The following MINDY3 variants were observed in gnomAD, a reference collection of about 807,000 sequenced individuals.
The protein encoded by MINDY3 is ubiquitin carboxyl-terminal hydrolase MINDY-3.
A neutral mutation model predicts 69.2 loss-of-function variants in MINDY3; 38 were observed. The observed-to-expected ratio is 0.55, with a 90% confidence interval of 0.42 to 0.72. The LOEUF is 0.72. MINDY3 is among the 30% of genes least tolerant of loss of function. The pLI, the probability that MINDY3 is intolerant of heterozygous loss-of-function variation, is 0.00. For missense variants in MINDY3, 522 were observed against 519.0 expected (o/e 1.01, Z -0.06); for synonymous variants, 192 against 180.1 (o/e 1.07, Z -0.53).
chr10:15,814,484 T>C (rs1839220556), intron 10 of MINDY3, among the ~76,000 whole-genome samples: 1 of 151,074 alleles, frequency 6.6e-6, no homozygotes, highest in Admixed American at 6.6e-5. Context: ...TGTGCCAGAC[T>C]ATATACTAGA....
chr10:15,810,752 C>CTTA (rs1468866642), intron 10 of MINDY3, among the ~76,000 whole-genome samples: 1 of 152,050 alleles, frequency 6.6e-6, no homozygotes, highest in African/African-American at 2.4e-5. Context: ...CATCACAGAG[C>CTTA]TTACTACAGA....
At chr10:15,837,532 G>C (rs1443130320) in intron 5 of MINDY3, 2 of 1,441,308 alleles carry the variant, frequency 1.4e-6, no homozygotes, top group Non-Finnish European at 1.9e-6. Flanking sequence ...CATTAAGAAA[G>C]AACACCTACT....
At chr10:15,842,228 T>A (rs1833519302) in intron 3 of MINDY3, among the ~76,000 whole-genome samples, 1 of 151,854 alleles carries the variant, frequency 6.6e-6, no homozygotes, top group South Asian at 2.1e-4. Context: ...AGAAGTAGTA[T>A]TACTTTCTGA....
chr10:15,841,530 G>C lies in MINDY3; in HGVS notation c.305C>G (p.Ser102Cys). The C allele has an allele frequency of 1.2e-6, 2 of 1,611,542 alleles. No homozygotes were observed. Among genetic ancestry groups the C allele is most frequent in the Non-Finnish European group, 1.7e-6 (2 of 1,178,290 alleles). Reference sequence around the variant, plus strand: ...CCATGAAACCAAGCAGTATGATCCAGAGTGGTCACAACAAGCACTTTCTAA... The same window carrying C: ...CCATGAAACCAAGCAGTATGATCCACAGTGGTCACAACAAGCACTTTCTAA... ...DILESACCDH[S>C]GSYCLVSWLR... Residue 102 changes from serine to cysteine, a missense_variant, in exon 4 of 15, where the codon TCT (serine) becomes TGT (cysteine). Coordinates refer to ENST00000277632, the MANE Select transcript of MINDY3 (RefSeq NM_024948.4).
intron 1 of MINDY3, 73 bp from the exon 2 acceptor site, chr10:15,848,016 T>C (rs1833974045): frequency 8.0e-7 from 1 of 1,254,736 alleles, no homozygotes; most frequent in South Asian, 1.2e-5. Flanking sequence ...TTCATGTACT[T>C]TGCTTTGAGA....
intron 14 of MINDY3, among the ~76,000 whole-genome samples, chr10:15,779,670 G>T (rs761181974): frequency 6.6e-6 from 1 of 152,008 alleles, no homozygotes; most frequent in Non-Finnish European, 1.5e-5. Flanking sequence ...TGCTATTATG[G>T]TATTAAATAT....
chr10:15,779,175 A>G, intron 14 of MINDY3, 34 bp from the exon 15 acceptor site: 5 of 1,599,414 alleles, frequency 3.1e-6, no homozygotes, highest in Non-Finnish European at 4.3e-6. Context: ...AAGGTCAAGC[A>G]ACAGTCTTAG....
chr10:15,814,754 G>A (rs1839240868), intron 10 of MINDY3, among the ~76,000 whole-genome samples: 2 of 152,066 alleles, frequency 1.3e-5, no homozygotes, highest in African/African-American at 2.4e-5. Context: ...TGACACATGC[G>A]ACAGCACAAT....
chr10:15,857,008 T>C (rs1007184523), intron 1 of MINDY3, among the ~76,000 whole-genome samples: 5 of 152,280 alleles, frequency 3.3e-5, no homozygotes, highest in African/African-American at 9.6e-5. Context: ...ACTTGTCAAG[T>C]AGTATCTCTC....
chr10:15,802,160 A>AAAGTT (rs1838310272), intron 10 of MINDY3, among the ~76,000 whole-genome samples: 1 of 151,962 alleles, frequency 6.6e-6, no homozygotes, highest in Non-Finnish European at 1.5e-5. Context: ...GAGGGAGTCA[A>AAAGTT]AAGTTGTATG....
At chr10:15,803,084 G>A (rs1743160174) in intron 10 of MINDY3, among the ~76,000 whole-genome samples, 1 of 152,086 alleles carries the variant, frequency 6.6e-6, no homozygotes, top group Non-Finnish European at 1.5e-5. Flanking sequence ...TGTTTACAAT[G>A]CTTTTTGGAT....
At chr10:15,798,798 A>AAACC (rs1460303127) in intron 10 of MINDY3, among the ~76,000 whole-genome samples, 10 of 151,848 alleles carry the variant, frequency 6.6e-5, no homozygotes, top group African/African-American at 2.4e-4. Context: ...ACAAACAAAC[A>AAACC]AAAAACCACT....
chr10:15,837,998 T>C, intron 5 of MINDY3: 1 of 977,412 alleles, frequency 1.0e-6, no homozygotes. Context: ...AAAAGCTTTT[T>C]AATGTTTTTG....
chr10:15,818,845 G>A (rs1400656965), intron 9 of MINDY3, among the ~76,000 whole-genome samples: 1 of 152,062 alleles, frequency 6.6e-6, no homozygotes, highest in African/African-American at 2.4e-5. Flanking sequence ...GAGGAGCATG[G>A]GACTGCTAAT....
intron 10 of MINDY3, 65 bp from the exon 11 acceptor site, chr10:15,796,237 A>G (rs974550574): frequency 1.6e-6 from 2 of 1,238,480 alleles, no homozygotes; most frequent in Admixed American, 3.4e-5. Flanking sequence ...GAAAACAGAT[A>G]CTAGGGTAGG....
intron 8 of MINDY3, 88 bp downstream of exon 8, chr10:15,833,542 G>C (rs1164166088): frequency 1.2e-6 from 1 of 838,114 alleles, no homozygotes; most frequent in African/African-American, 1.7e-5. Flanking sequence ...AGGTAATGTA[G>C]AGCCATTAAA....
chr10:15,814,119 T>C (rs1353893356), intron 10 of MINDY3, among the ~76,000 whole-genome samples: 1 of 152,202 alleles, frequency 6.6e-6, no homozygotes, highest in Non-Finnish European at 1.5e-5. Context: ...CAGTATTTTT[T>C]ATGTGGTGAA....
intron 3 of MINDY3, among the ~76,000 whole-genome samples, chr10:15,842,710 C>A (rs1230825159): frequency 1.3e-5 from 2 of 151,682 alleles, no homozygotes; most frequent in Admixed American, 6.6e-5. Context: ...ACGTGGAATG[C>A]AAATTCTTGT....
chr10:15,789,336 CAG>C lies in MINDY3; in HGVS notation c.956-19_956-18del. The C allele has an allele frequency of 6.3e-7, 1 of 1,590,896 alleles. No homozygotes were observed. The highest frequency in any genetic ancestry group is 8.6e-7 in the Non-Finnish European group (1 of 1,161,188). On this transcript the variant is annotated intron_variant, in intron 11 of 14. Transcript: ENST00000277632. ...ATCCATTATCTAGGGGGGAAAAAAT[CAG>C]AAACAACTTGAAATAAGAATTTACT...
Sources: gnomAD v4.1 joint callset for allele counts (sites outside exome capture counted in the v4.1 genomes callset) on GRCh38, gnomAD v4.1.1 for gene constraint, MANE v1.5 for transcripts, NCBI Gene and HGNC (gene_info 2026-07-23, HGNC 2026-07-21) for gene names.